ATP8B1: variants seen among roughly 807,000 people sequenced by gnomAD.
ATP8B1 encodes the protein phospholipid-transporting ATPase IC.
ATP8B1 carries 80 observed loss-of-function variants against 149.9 expected under a neutral mutation model. The ratio of observed to expected loss-of-function variants is 0.53; its 90% CI spans 0.45 to 0.64. The LOEUF (loss-of-function observed/expected upper bound fraction) is 0.64. Among genes scored for constraint, ATP8B1 ranks in the 30% least tolerant of loss-of-function variants. The pLI, the probability that ATP8B1 is intolerant of heterozygous loss-of-function variation, is 0.00. For missense variants in ATP8B1, 1,247 were observed against 1,552.6 expected, an observed-to-expected ratio of 0.80 and a Z score of 3.31; for synonymous variants, 536 against 562.8, an observed-to-expected ratio of 0.95 and a Z score of 0.67.
intron 1 of ATP8B1, chr18:57,735,125 C>CT (rs2079834352): frequency 6.6e-6 from 1 of 152,590 alleles, no homozygotes; most frequent in Non-Finnish European, 1.5e-5. Context: ...TGTTTTCACT[C>CT]TATTTCACTC....
intron 2 of ATP8B1, among the ~76,000 whole-genome samples, chr18:57,730,072 A>C (rs1015795366): frequency 5.9e-5 from 9 of 152,092 alleles, no homozygotes; most frequent in Non-Finnish European, 1.5e-5. Flanking sequence ...CGCGGGGTGC[A>C]TGCACTCCCC....
chr18:57,678,442 C>T (rs1295430833), intron 15 of ATP8B1, among the ~76,000 whole-genome samples: 2 of 151,828 alleles, frequency 1.3e-5, no homozygotes, highest in Non-Finnish European at 2.9e-5. Context: ...AAAAAATTAG[C>T]CACGTGTGGT....
At chr18:57,759,295 A>G (rs546464107) in intron 1 of ATP8B1, among the ~76,000 whole-genome samples, 1 of 152,208 alleles carries the variant, frequency 6.6e-6, no homozygotes, top group East Asian at 1.9e-4. Context: ...TTAAAGACTC[A>G]ACTTTAACCT....
chr18:57,734,564 A>G (rs181755943), intron 1 of ATP8B1, among the ~76,000 whole-genome samples: 1 of 152,254 alleles, frequency 6.6e-6, no homozygotes, highest in East Asian at 1.9e-4. Flanking sequence ...TCCTTTGCCC[A>G]CTTTTTAATG....
At chr18:57,685,870 T>G (rs1351109346) in intron 13 of ATP8B1, among the ~76,000 whole-genome samples, 1 of 151,922 alleles carries the variant, frequency 6.6e-6, no homozygotes, top group African/African-American at 2.4e-5. Context: ...GGTGGAGGTT[T>G]CAGTGAGCCA....
intron 2 of ATP8B1, among the ~76,000 whole-genome samples, chr18:57,712,551 T>C (rs1251295766): frequency 1.3e-5 from 2 of 152,140 alleles, no homozygotes; most frequent in Non-Finnish European, 2.9e-5. Flanking sequence ...CCTGGGGCTC[T>C]AAATAAAATT....
At chr18:57,713,232 CTTCCTTCCTTCTTTCT>C (rs1411492689) in intron 2 of ATP8B1, among the ~76,000 whole-genome samples, 5 of 105,968 alleles carry the variant, frequency 4.7e-5, no homozygotes, top group South Asian at 3.0e-4. Context: ...TCCTTCCTTC[CTTCCTTCCTTCTTTCT>C]TTCTTTCTTT....
At chr18:57,735,105 A>G (rs2079834129) in intron 1 of ATP8B1, 1 of 152,446 alleles carries the variant, frequency 6.6e-6, no homozygotes, top group South Asian at 2.0e-4. Flanking sequence ...CCCTCCTTGT[A>G]TGGGAGCTCT....
chr18:57,668,021 G>T, intron 19 of ATP8B1: 1 of 1,230,072 alleles, frequency 8.1e-7, no homozygotes, highest in Non-Finnish European at 1.1e-6. Flanking sequence ...CAATTTTATT[G>T]CCAAGCAATA....
intron 1 of ATP8B1, among the ~76,000 whole-genome samples, chr18:57,739,438 T>A (rs138383611): frequency 1.3e-5 from 2 of 152,334 alleles, no homozygotes; most frequent in African/African-American, 4.8e-5. Flanking sequence ...TATCATGATT[T>A]GTAAACATGC....
At chr18:57,770,991 T>C (rs1166552711) in intron 1 of ATP8B1, among the ~76,000 whole-genome samples, 2 of 152,208 alleles carry the variant, frequency 1.3e-5, no homozygotes, top group Non-Finnish European at 2.9e-5. Context: ...AGCTTCCTGA[T>C]AGCTGGGATT....
At position 57,652,155 on chromosome 18, in the gene ATP8B1, A is replaced by G. The variant is rs1261170839; in HGVS notation, c.3279T>C (p.Ser1093=). Residue 1093 remains serine (S), a synonymous_variant, in exon 26 of 28, where the codon TCT becomes TCC. Coordinates refer to ENST00000648908, the MANE Select transcript of ATP8B1 (RefSeq NM_001374385.1). ...TVNFQIGLDT[S]YWTFVNAFSI... is the part of the protein sequence containing the mutation. ...AAAAAGCATTCACAAAAGTCCAATA[A>G]GAAGTATCCAAGCCAATCTGTTGGG... The G allele has an allele frequency of 1.9e-6, 3 of 1,614,210 alleles. No homozygotes were observed. The South Asian group carries it at 3.3e-5, about 18-fold the overall frequency.
chr18:57,785,030 G>A (rs1225191239), intron 1 of ATP8B1, among the ~76,000 whole-genome samples: 1 of 152,198 alleles, frequency 6.6e-6, no homozygotes, highest in Non-Finnish European at 1.5e-5. Flanking sequence ...CAGAGTAAGA[G>A]CTTCACAAAT....
intron 2 of ATP8B1, among the ~76,000 whole-genome samples, chr18:57,712,048 C>T (rs957899385): frequency 1.5e-4 from 22 of 144,328 alleles, no homozygotes; most frequent in African/African-American, 5.9e-4. Context: ...CCTCTATTGG[C>T]ATATATATAT....
chr18:57,772,011 C>G (rs1424076809), intron 1 of ATP8B1, among the ~76,000 whole-genome samples: 1 of 152,130 alleles, frequency 6.6e-6, no homozygotes, highest in Admixed American at 6.5e-5. Context: ...GTTAACTGAA[C>G]CTATACAATA....
intron 16 of ATP8B1, among the ~76,000 whole-genome samples, chr18:57,674,541 C>G (rs565109857): frequency 6.6e-6 from 1 of 151,866 alleles, no homozygotes; most frequent in African/African-American, 2.4e-5. Context: ...CCAGCCACCA[C>G]GCCCGGCTAA....
chr18:57,756,316 T>TATATGTATATATATA (rs1290813737), intron 1 of ATP8B1, among the ~76,000 whole-genome samples: 2 of 145,018 alleles, frequency 1.4e-5, no homozygotes, highest in Non-Finnish European at 1.5e-5. Context: ...TATATATATA[T>TATATGTATATATATA]TTGAGACTGA....
At chr18:57,671,736 T>C (rs536819833) in intron 16 of ATP8B1, among the ~76,000 whole-genome samples, 156 bp from the exon 17 acceptor site, 1 of 151,964 alleles carries the variant, frequency 6.6e-6, no homozygotes, top group East Asian at 1.9e-4. Flanking sequence ...AATCCTCCCA[T>C]CTCAGCCTCC....
intron 2 of ATP8B1, among the ~76,000 whole-genome samples, chr18:57,713,167 C>CTT (rs1414004646): frequency 1.5e-5 from 1 of 67,450 alleles, no homozygotes; most frequent in Non-Finnish European, 2.9e-5. Context: ...CTCTTTCTTT[C>CTT]TTTCTTTCTT....
Sources: allele counts gnomAD v4.1 joint callset (sites outside exome capture counted in the v4.1 genomes callset), GRCh38; gene constraint gnomAD v4.1.1; transcripts MANE v1.5; gene names NCBI Gene and HGNC (gene_info 2026-07-23, HGNC 2026-07-21).